The following STK33 variants were observed in gnomAD, a reference collection of about 807,000 sequenced individuals.
The protein encoded by STK33 is serine/threonine kinase 33, also known as serine/threonine-protein kinase 33.
Under a neutral mutation model 58.0 loss-of-function variants are expected in STK33, and 52 were observed. The observed-to-expected ratio is 0.90, with a 90% CI of 0.72 to 1.13. The LOEUF (loss-of-function observed/expected upper bound fraction) is 1.13, where lower values mean the gene tolerates loss of function less well. STK33 is among the 50% of genes most tolerant of loss of function. STK33 has a pLI of 0.00. For synonymous variants in STK33, 215 were observed against 200.1 expected (o/e 1.07, Z -0.63); for missense variants, 630 against 604.2 (o/e 1.04, Z -0.45).
chr11:8,588,838 A>G (rs1178020308), intron 1 of STK33, among the ~76,000 whole-genome samples: 1 of 152,210 alleles, frequency 6.6e-6, no homozygotes, highest in Non-Finnish European at 1.5e-5. Flanking sequence ...AACCCAAATT[A>G]AAAACAGACA....
intron 10 of STK33, 61 bp downstream of exon 10, chr11:8,454,683 C>T (rs544967771): frequency 2.7e-6 from 4 of 1,501,092 alleles, no homozygotes; most frequent in Non-Finnish European, 3.6e-6. Flanking sequence ...AGAGGATGTA[C>T]TTTGCCACTT....
intron 1 of STK33, among the ~76,000 whole-genome samples, chr11:8,521,385 C>A (rs556229139): frequency 6.6e-6 from 1 of 152,310 alleles, no homozygotes; most frequent in East Asian, 1.9e-4. Context: ...AAAGGATTCC[C>A]TATTTAATAA....
chr11:8,484,946 A>G (rs1031249866), intron 1 of STK33, among the ~76,000 whole-genome samples: 1 of 152,210 alleles, frequency 6.6e-6, no homozygotes, highest in Non-Finnish European at 1.5e-5. Flanking sequence ...GCAACTGAGA[A>G]GAGAGAGGAT....
chr11:8,363,822 A>G, the STK33 span, among the ~76,000 whole-genome samples: 1 of 152,260 alleles, frequency 6.6e-6, no homozygotes, highest in Admixed American at 6.5e-5. Flanking sequence ...AGTAAAACTA[A>G]TACTCATTTA....
chr11:8,514,440 A>C (rs1324948059), intron 1 of STK33, among the ~76,000 whole-genome samples: 1 of 152,226 alleles, frequency 6.6e-6, no homozygotes, highest in Non-Finnish European at 1.5e-5. Flanking sequence ...AAACTAATTT[A>C]TAGATTCTAT....
the STK33 span, among the ~76,000 whole-genome samples, chr11:8,346,576 G>C: frequency 2.0e-5 from 3 of 152,220 alleles, no homozygotes; most frequent in African/African-American, 7.2e-5. Context: ...ATATCTGTGA[G>C]GAAAGGCCCG....
intron 12 of STK33, among the ~76,000 whole-genome samples, chr11:8,438,323 A>T (rs1944328638): frequency 6.6e-6 from 1 of 152,232 alleles, no homozygotes; most frequent in Non-Finnish European, 1.5e-5. Flanking sequence ...ATTTTGTTGC[A>T]TTCATAGAAA....
the STK33 span, among the ~76,000 whole-genome samples, chr11:8,385,985 A>G: frequency 6.7e-6 from 1 of 148,526 alleles, no homozygotes; most frequent in Non-Finnish European, 1.5e-5. Flanking sequence ...CATGTTAGCC[A>G]GGATGGTCTC....
At chr11:8,493,989 TC>T (rs1950851670) in intron 1 of STK33, among the ~76,000 whole-genome samples, 1 of 152,162 alleles carries the variant, frequency 6.6e-6, no homozygotes, top group Non-Finnish European at 1.5e-5. Flanking sequence ...ACAGCCACTA[TC>T]ATACTGAATG....
At chr11:8,485,865 T>C (rs1364575050) in intron 1 of STK33, among the ~76,000 whole-genome samples, 2 of 152,242 alleles carry the variant, frequency 1.3e-5, no homozygotes, top group East Asian at 3.8e-4. Context: ...ATAATAGCTT[T>C]ATGTTCTAAA....
intron 1 of STK33, among the ~76,000 whole-genome samples, chr11:8,569,221 A>G (rs1957641101): frequency 6.6e-6 from 1 of 152,238 alleles, no homozygotes; most frequent in South Asian, 2.1e-4. Context: ...ACAAAATTGG[A>G]AGACTCACAC....
chr11:8,542,535 T>C lies in STK33; in HGVS notation c.-466+51548A>G, dbSNP rs370268566. Among the ~76,000 whole-genome samples the C allele has an allele frequency of 3.9e-3, 593 of 152,242 alleles. 2 individuals carry two copies. Among genetic ancestry groups the C allele is most frequent in the African/African-American group, 0.013 (549 of 41,528 alleles). ...TATCTAGAGGGTAAGAAACCAAGGA[T>C]GCTGCAAAACATCCAAAATGCATAT... On this transcript the variant is annotated intron_variant, in intron 1 of 15. Transcript: ENST00000687296.
At position 8,454,780 on chromosome 11, in the gene STK33, A is replaced by G; in HGVS notation, c.750T>C (p.Leu250=). ...KLENIMVKSS[L]IDDNNEINLN... is the part of the protein sequence containing the mutation. ...AGTTTATTTCATTGTTATCATCAATAAGACTGCTTTTAACCATTATATTTT... is the reference window on the plus strand; with the variant it reads ...AGTTTATTTCATTGTTATCATCAATGAGACTGCTTTTAACCATTATATTTT... The change falls in exon 10 of 16, where the codon CTT becomes CTC. Residue 250 remains leucine (L), a synonymous_variant. Transcript: ENST00000687296. The G allele has an allele frequency of 6.3e-7, 1 of 1,578,388 alleles. No individual in the cohort carries two copies. The highest frequency in any genetic ancestry group is 8.6e-7 in the Non-Finnish European group (1 of 1,159,188).
the STK33 span, among the ~76,000 whole-genome samples, chr11:8,339,670 A>T: frequency 6.6e-5 from 10 of 151,420 alleles, no homozygotes; most frequent in African/African-American, 2.4e-4. Context: ...ACCAGCCCAG[A>T]CGTTCTCTAC....
At chr11:8,532,044 G>A (rs146002132) in intron 1 of STK33, among the ~76,000 whole-genome samples, 15 of 152,292 alleles carry the variant, frequency 9.8e-5, no homozygotes, top group Non-Finnish European at 2.1e-4. Context: ...TTAAAGAAGA[G>A]AAGTGTAATA....
At chr11:8,517,094 C>G (rs1186040593) in intron 1 of STK33, among the ~76,000 whole-genome samples, 2 of 152,200 alleles carry the variant, frequency 1.3e-5, no homozygotes, top group Non-Finnish European at 2.9e-5. Flanking sequence ...TAGGGGCCAA[C>G]TGATACCTCA....
chr11:8,385,468 C>T, the STK33 span, among the ~76,000 whole-genome samples: 6 of 152,318 alleles, frequency 3.9e-5, no homozygotes, highest in Admixed American at 3.3e-4. Context: ...CCTAAAACAT[C>T]CCTCCCCGGC....
At chr11:8,390,184 CTCT>C (rs1347051385), downstream of STK33, among the ~76,000 whole-genome samples, 2 of 152,182 alleles carry the variant, frequency 1.3e-5, no homozygotes, top group Non-Finnish European at 1.5e-5. Context: ...CTGCATTCCT[CTCT>C]TTTTATCATA....
the STK33 span, among the ~76,000 whole-genome samples, chr11:8,349,420 G>C: frequency 6.6e-6 from 1 of 152,176 alleles, no homozygotes; most frequent in South Asian, 2.1e-4. Context: ...ATCTCTGGCT[G>C]GCTGCCTCTC....
Sources: gnomAD v4.1 joint callset for allele counts (sites outside exome capture counted in the v4.1 genomes callset) on GRCh38, gnomAD v4.1.1 for gene constraint, MANE v1.5 for transcripts, NCBI Gene and HGNC (gene_info 2026-07-23, HGNC 2026-07-21) for gene names.